The following CUL5 variants were observed in gnomAD, a reference collection of about 807,000 sequenced individuals.
The protein encoded by CUL5 is cullin 5, also known as cullin-5.
CUL5 carries 26 observed loss-of-function variants against 108.8 expected under a neutral mutation model. That is an observed-to-expected ratio of 0.24 (90% confidence interval 0.18 to 0.33). The LOEUF (loss-of-function observed/expected upper bound fraction) is 0.33. Ranked by LOEUF, CUL5 falls within the 10% of genes least tolerant of loss-of-function variation. The pLI is 1.00. For synonymous variants in CUL5, 334 were observed against 298.0 expected (o/e 1.12, Z -1.25); for missense variants, 524 against 909.2 (o/e 0.58, Z 5.45).
At chr11:108,075,049 A>G (rs1591317560) in intron 10 of CUL5, among the ~76,000 whole-genome samples, 1 of 152,170 alleles carries the variant, frequency 6.6e-6, no homozygotes, top group Non-Finnish European at 1.5e-5. Flanking sequence ...TATTAACAGG[A>G]TCATTCTGGC....
At chr11:108,103,219 G>T (rs1208765462) in intron 18 of CUL5, among the ~76,000 whole-genome samples, 1 of 152,134 alleles carries the variant, frequency 6.6e-6, no homozygotes, top group Non-Finnish European at 1.5e-5. Context: ...AAATCATCAA[G>T]AAAAATTTTG....
chr11:108,069,862 T>C (rs1176369678), intron 7 of CUL5, among the ~76,000 whole-genome samples: 1 of 152,210 alleles, frequency 6.6e-6, no homozygotes, highest in Non-Finnish European at 1.5e-5. Flanking sequence ...TTGAGGACTT[T>C]TGTTAAAATT....
chr11:108,061,665 T>A, intron 7 of CUL5, among the ~76,000 whole-genome samples: 1 of 151,836 alleles, frequency 6.6e-6, no homozygotes, highest in East Asian at 1.9e-4. Flanking sequence ...CTCCCTTCCC[T>A]CCTGCATTCC....
intron 13 of CUL5, among the ~76,000 whole-genome samples, chr11:108,093,486 C>A (rs1016507165): frequency 1.3e-5 from 2 of 152,170 alleles, no homozygotes. Flanking sequence ...TCTATAACTC[C>A]ATTTATGTTC....
At chr11:108,073,628 G>C (rs1863879205) in intron 10 of CUL5, 131 bp downstream of exon 10, 1 of 439,448 alleles carries the variant, frequency 2.3e-6, no homozygotes. Flanking sequence ...TTTTTCATCA[G>C]TGGAGAACAA....
intron 11 of CUL5, among the ~76,000 whole-genome samples, chr11:108,087,836 G>A (rs933527973): frequency 6.6e-6 from 1 of 152,078 alleles, no homozygotes; most frequent in Non-Finnish European, 1.5e-5. Flanking sequence ...ATGGTGGCGG[G>A]CACCTGTAAT....
At chr11:108,025,388 T>A (rs1862429052) in intron 1 of CUL5, among the ~76,000 whole-genome samples, 1 of 152,180 alleles carries the variant, frequency 6.6e-6, no homozygotes, top group African/African-American at 2.4e-5. Flanking sequence ...AGGGGCTTGA[T>A]TTTAAAATTT....
At position 108,095,513 on chromosome 11, in the gene CUL5, T is replaced by G; in HGVS notation, c.1744-17T>G. 1 of 1,475,690 alleles carries G rather than the reference T, an allele frequency of 6.8e-7. No homozygotes were observed. The highest frequency in any genetic ancestry group is 1.2e-5 in the South Asian group (1 of 81,130). 91.4% of individuals were successfully genotyped at this position (1,475,690 alleles called of 1,614,324 possible). ...ATCATGAGATTCTTTATTAAAAATC[T>G]GTTTTATCTATTATAGATAACATTT... On this transcript the variant is annotated splice_polypyrimidine_tract_variant and intron_variant, in intron 15 of 18. Transcript: ENST00000393094.
At chr11:108,029,201 A>G (rs1168733570) in intron 1 of CUL5, among the ~76,000 whole-genome samples, 1 of 147,966 alleles carries the variant, frequency 6.8e-6, no homozygotes, top group Non-Finnish European at 1.5e-5. Flanking sequence ...GGAGTGAAGG[A>G]TAGAATACCT....
intron 10 of CUL5, among the ~76,000 whole-genome samples, chr11:108,076,221 A>G (rs949082676): frequency 2.6e-5 from 4 of 151,524 alleles, no homozygotes; most frequent in Non-Finnish European, 5.9e-5. Context: ...TTTTGTAGAG[A>G]TGAGTTCTCA....
rs138023074 is a variant in CUL5 at position 108,036,179 on chromosome 11, C to G, written c.134+2268C>G. Among the ~76,000 whole-genome samples the G allele has an allele frequency of 2.0e-3, 309 of 152,256 alleles. 1 individual carries two copies. The highest frequency in any genetic ancestry group is 7.2e-3 in the African/African-American group (298 of 41,540). ...GTGTATTTCTTCCATCTGGAGATTT[C>G]GTTTGTTTTCATGTTGTCTCTCTTT... On this transcript the variant is annotated intron_variant, in intron 2 of 18. Transcript: ENST00000393094.
chr11:108,054,832 C>G (rs1863332898), intron 6 of CUL5, 40 bp downstream of exon 6: 4 of 1,599,860 alleles, frequency 2.5e-6, no homozygotes, highest in Non-Finnish European at 3.4e-6. Context: ...TTGAGCAATT[C>G]CCTTGATATT....
chr11:108,077,926 T>C (rs1216793790), intron 10 of CUL5, among the ~76,000 whole-genome samples: 2 of 151,966 alleles, frequency 1.3e-5, no homozygotes, highest in Non-Finnish European at 2.9e-5. Context: ...TCCAGCCTGG[T>C]CGACAGAGTG....
intron 7 of CUL5, among the ~76,000 whole-genome samples, chr11:108,058,208 C>CA (rs371453494): frequency 0.041 from 2,918 of 71,816 alleles, 174 homozygotes; most frequent in African/African-American, 0.13. Context: ...GACTCTGTCT[C>CA]AAAAAAAAAA....
chr11:108,041,508 C>T (rs905108962), intron 2 of CUL5, among the ~76,000 whole-genome samples: 3 of 152,010 alleles, frequency 2.0e-5, no homozygotes, highest in African/African-American at 7.3e-5. Flanking sequence ...AACTCCTGAC[C>T]TCAGGTGATC....
chr11:108,063,132 A>T (rs920879242), intron 7 of CUL5, among the ~76,000 whole-genome samples: 5 of 152,194 alleles, frequency 3.3e-5, no homozygotes. Flanking sequence ...GGTGTGAGCC[A>T]CTGCACCCGA....
At chr11:108,045,259 A>G (rs1214854342) in intron 2 of CUL5, among the ~76,000 whole-genome samples, 1 of 152,168 alleles carries the variant, frequency 6.6e-6, no homozygotes, top group Non-Finnish European at 1.5e-5. Flanking sequence ...TGGGTAATAT[A>G]TGGGGAAGCT....
chr11:108,043,977 G>A (rs773807998), intron 2 of CUL5, among the ~76,000 whole-genome samples: 12 of 152,052 alleles, frequency 7.9e-5, no homozygotes, highest in Non-Finnish European at 1.5e-4. Flanking sequence ...GAGCCAAGGT[G>A]GCGCCATTGC....
intron 13 of CUL5, among the ~76,000 whole-genome samples, chr11:108,092,707 GGGTTTCTT>G (rs1309360437): frequency 6.6e-6 from 1 of 152,112 alleles, no homozygotes; most frequent in Non-Finnish European, 1.5e-5. Context: ...AAATAGTATG[GGGTTTCTT>G]TTTGGGGTGA....
Sources: allele counts gnomAD v4.1 joint callset (sites outside exome capture counted in the v4.1 genomes callset), GRCh38; gene constraint gnomAD v4.1.1; transcripts MANE v1.5; gene names NCBI Gene and HGNC (gene_info 2026-07-23, HGNC 2026-07-21).